Variants in CNTNAP2 observed in about 807,000 individuals in gnomAD.
The protein encoded by CNTNAP2 is contactin associated protein 2.
In CNTNAP2, 98 loss-of-function variants were observed where a neutral mutation model predicts 155.2. The ratio of observed to expected loss-of-function variants is 0.63; its 90% CI spans 0.54 to 0.75. The LOEUF is 0.75. Ranked by LOEUF, CNTNAP2 falls within the 30% of genes least tolerant of loss-of-function variation. The pLI, the probability that CNTNAP2 is intolerant of heterozygous loss-of-function variation, is 0.00. For synonymous variants in CNTNAP2, 651 were observed against 631.2 expected, an observed-to-expected ratio of 1.03 and a Z score of -0.47; for missense variants, 1,727 against 1,688.1, an observed-to-expected ratio of 1.02 and a Z score of -0.40.
chr7:147,929,007 GC>G (rs1800449132), intron 14 of CNTNAP2, among the ~76,000 whole-genome samples: 1 of 139,518 alleles, frequency 7.2e-6, no homozygotes. Context: ...CAGGAGAATC[GC>G]TTGAACCCAG....
At chr7:146,983,665 A>G (rs1798061931) in intron 3 of CNTNAP2, among the ~76,000 whole-genome samples, 1 of 152,094 alleles carries the variant, frequency 6.6e-6, no homozygotes, top group African/African-American at 2.4e-5. Context: ...TTGTTTTTCC[A>G]TTTGGCGAGT....
At chr7:147,523,432 C>G (rs182586285) in intron 11 of CNTNAP2, among the ~76,000 whole-genome samples, 1 of 152,158 alleles carries the variant, frequency 6.6e-6, no homozygotes, top group Non-Finnish European at 1.5e-5. Context: ...GTCACTAGGT[C>G]CAGCGAGTCT....
chr7:147,568,776 G>C (rs910240694), intron 12 of CNTNAP2, among the ~76,000 whole-genome samples: 2 of 151,886 alleles, frequency 1.3e-5, no homozygotes, highest in African/African-American at 4.8e-5. Flanking sequence ...CTGAACCTTT[G>C]TATTTAAAAG....
intron 15 of CNTNAP2, among the ~76,000 whole-genome samples, chr7:148,086,017 A>G (rs182340377): frequency 2.6e-5 from 4 of 152,332 alleles, no homozygotes; most frequent in African/African-American, 7.2e-5. Context: ...CTAAGCCTAG[A>G]TCTGTCTCTC....
chr7:147,362,624 G>T (rs571313291), intron 9 of CNTNAP2, among the ~76,000 whole-genome samples: 50 of 152,278 alleles, frequency 3.3e-4, no homozygotes, highest in Admixed American at 5.9e-4. Flanking sequence ...CTGACTGAAT[G>T]TTCTTTACTC....
chr7:146,394,865 C>A (rs917113672), intron 1 of CNTNAP2, among the ~76,000 whole-genome samples: 5 of 151,916 alleles, frequency 3.3e-5, no homozygotes, highest in African/African-American at 1.2e-4. Flanking sequence ...TACATTGTAC[C>A]CACTGGGTAA....
intron 13 of CNTNAP2, among the ~76,000 whole-genome samples, chr7:147,882,119 T>C (rs1799532268): frequency 6.6e-6 from 1 of 151,342 alleles, no homozygotes; most frequent in Admixed American, 6.6e-5. Flanking sequence ...TATAATCCAA[T>C]TAGGTCACTT....
At chr7:146,801,276 C>A (rs1393025842) in intron 2 of CNTNAP2, among the ~76,000 whole-genome samples, 7 of 152,106 alleles carry the variant, frequency 4.6e-5, no homozygotes, top group African/African-American at 1.7e-4. Context: ...CAGCACCAAG[C>A]CATTCATGAG....
rs543929990 is a variant in CNTNAP2, at chr7:147,949,097, A to C, written c.2256-28765A>C. Among the ~76,000 whole-genome samples, 67 of 152,038 alleles carry C rather than the reference A, an allele frequency of 4.4e-4. No homozygotes were observed. In the South Asian group the frequency reaches 8.5e-3, roughly 19 times the overall value. On this transcript the variant is annotated intron_variant, in intron 14 of 23. Coordinates refer to ENST00000361727, the MANE Select transcript of CNTNAP2 (RefSeq NM_014141.6). ...ATGCCTGTAATCCCAGCTACTCAGG[A>C]GGCTGAGGCAGGAGAATCGCTTGAA...
intron 13 of CNTNAP2, among the ~76,000 whole-genome samples, chr7:147,737,300 T>A (rs1584929165): frequency 6.6e-6 from 1 of 152,160 alleles, no homozygotes; most frequent in Non-Finnish European, 1.5e-5. Flanking sequence ...CCAGACCCTG[T>A]TTGCCTGGGT....
At chr7:147,108,076 G>T (rs1173796520) in intron 4 of CNTNAP2, 71 bp from the exon 5 acceptor site, 2 of 1,332,084 alleles carry the variant, frequency 1.5e-6, no homozygotes, top group African/African-American at 2.9e-5. Context: ...TTTATTCTTT[G>T]CAGACACCTG....
At chr7:148,035,202 T>G (rs531693160) in intron 15 of CNTNAP2, among the ~76,000 whole-genome samples, 18 of 152,302 alleles carry the variant, frequency 1.2e-4, no homozygotes, top group African/African-American at 4.3e-4. Context: ...TGAACAGCCA[T>G]GTAAAGGTGC....
chr7:146,641,781 A>G (rs1280891677), intron 1 of CNTNAP2, among the ~76,000 whole-genome samples: 3 of 152,226 alleles, frequency 2.0e-5, no homozygotes, highest in Non-Finnish European at 2.9e-5. Flanking sequence ...TTACAGTTTT[A>G]CAACTATCAT....
At chr7:146,777,194 A>G (rs1447126796) in intron 2 of CNTNAP2, among the ~76,000 whole-genome samples, 1 of 140,792 alleles carries the variant, frequency 7.1e-6, no homozygotes, top group African/African-American at 2.6e-5. Context: ...TGTCTGTCCT[A>G]TAGATATAGA....
At chr7:148,174,420 G>A (rs1024527) in intron 18 of CNTNAP2, among the ~76,000 whole-genome samples, 47 of 151,128 alleles carry the variant, frequency 3.1e-4, no homozygotes, top group African/African-American at 1.1e-3. Context: ...TCCTGTGACC[G>A]CCCCCCACCT....
chr7:146,351,213 A>G (rs934749338), intron 1 of CNTNAP2, among the ~76,000 whole-genome samples: 4 of 152,088 alleles, frequency 2.6e-5, no homozygotes, highest in African/African-American at 7.2e-5. Context: ...TCATGTGAAC[A>G]GAAGACTGAG....
Position 148,328,525 on chromosome 7 carries a change from C to T in CNTNAP2, c.3476-55124C>T, listed in dbSNP as rs192142487. Among the ~76,000 whole-genome samples the T allele has an allele frequency of 1.8e-3, 269 of 147,890 alleles. 8 individuals are homozygous for T. In the East Asian group the frequency reaches 0.048, roughly 26 times the overall value. Reference sequence around the variant, plus strand: ...CTTGGTGTTCAATAGGCCTTGGGGCCATGAACTTGTAGGGAGGGTTTTCTC... The same window carrying T: ...CTTGGTGTTCAATAGGCCTTGGGGCTATGAACTTGTAGGGAGGGTTTTCTC... On this transcript the variant is annotated intron_variant, in intron 21 of 23. Coordinates refer to ENST00000361727, the MANE Select transcript of CNTNAP2 (RefSeq NM_014141.6).
chr7:146,696,041 G>A (rs540965010), intron 1 of CNTNAP2, among the ~76,000 whole-genome samples: 3 of 152,182 alleles, frequency 2.0e-5, no homozygotes, highest in East Asian at 3.9e-4. Context: ...TTGGAGTATT[G>A]CTGGCCTCCT....
chr7:148,213,110 GCC>G (rs1795575984), intron 18 of CNTNAP2, among the ~76,000 whole-genome samples: 1 of 152,098 alleles, frequency 6.6e-6, no homozygotes, highest in Admixed American at 6.5e-5. Context: ...TCAGCTTCGT[GCC>G]CCATCAGGTA....
Sources: allele counts gnomAD v4.1 joint callset (sites outside exome capture counted in the v4.1 genomes callset), GRCh38; gene constraint gnomAD v4.1.1; transcripts MANE v1.5; gene names NCBI Gene and HGNC (gene_info 2026-07-23, HGNC 2026-07-21).